The following ASAP2 variants were observed in gnomAD, a reference collection of about 807,000 sequenced individuals.
ASAP2 encodes arf-GAP with SH3 domain, ANK repeat and PH domain-containing protein 2.
ASAP2 carries 45 observed loss-of-function variants against 131.4 expected under a neutral mutation model. That is an observed-to-expected ratio of 0.34 (90% CI 0.27 to 0.44). The LOEUF (loss-of-function observed/expected upper bound fraction) is 0.44, where lower values mean the gene tolerates loss of function less well. ASAP2 is among the 20% of genes least tolerant of loss of function. ASAP2 has a pLI of 1.00. For synonymous variants in ASAP2, 510 were observed against 503.0 expected (o/e 1.01, Z -0.19); for missense variants, 1,011 against 1,297.0 (o/e 0.78, Z 3.39).
Position 9,387,077 on chromosome 2 carries a change from GT to G in ASAP2, c.2131-1216del, listed in dbSNP as rs200566092. ...AAAAATTAGCCGGGCTTGGTGGTGG[GT>G]GGGGGGGCGCCTGTAGTCCCAGCTA... is the stretch of plus-strand genomic sequence containing the variant. On this transcript the variant is annotated intron_variant, in intron 21 of 27. Coordinates refer to ENST00000281419, the MANE Select transcript of ASAP2 (RefSeq NM_003887.3). Among the ~76,000 whole-genome samples, 805 of 148,552 alleles carry G rather than the reference GT, an allele frequency of 5.4e-3. 26 individuals carry two copies. Among genetic ancestry groups the G allele is most frequent in the African/African-American group, 6.2e-3 (245 of 39,712 alleles).
intron 3 of ASAP2, among the ~76,000 whole-genome samples, chr2:9,314,856 G>A (rs1471300611): frequency 1.3e-5 from 2 of 149,448 alleles, no homozygotes; most frequent in African/African-American, 4.9e-5. Context: ...ACTTGAACCT[G>A]GAAAGCAGAG....
At chr2:9,269,785 C>T (rs980789452) in intron 1 of ASAP2, among the ~76,000 whole-genome samples, 1 of 152,234 alleles carries the variant, frequency 6.6e-6, no homozygotes, top group African/African-American at 2.4e-5. Flanking sequence ...AGAAACATTC[C>T]TCTGTGGCTA....
intron 1 of ASAP2, among the ~76,000 whole-genome samples, chr2:9,241,549 C>G (rs1052031664): frequency 6.6e-6 from 1 of 152,192 alleles, no homozygotes; most frequent in East Asian, 1.9e-4. Context: ...CGAGACCAGC[C>G]TGGGAAACAT....
intron 24 of ASAP2, among the ~76,000 whole-genome samples, chr2:9,395,878 A>T (rs1037551419): frequency 3.3e-5 from 5 of 151,780 alleles, no homozygotes; most frequent in Non-Finnish European, 7.4e-5. Context: ...AAGTGCTGGG[A>T]TTACAGGCTT....
intron 2 of ASAP2, among the ~76,000 whole-genome samples, chr2:9,283,028 C>G (rs990887179): frequency 1.3e-5 from 2 of 152,226 alleles, no homozygotes; most frequent in African/African-American, 4.8e-5. Flanking sequence ...CCTTAGCTCT[C>G]TTTGACTTCA....
chr2:9,311,047 G>GT lies in ASAP2; in HGVS notation c.346-7477_346-7476insT. Among the ~76,000 whole-genome samples, 1 of 151,920 alleles carries GT rather than the reference G, an allele frequency of 6.6e-6. No individual in the cohort carries two copies. Among genetic ancestry groups the GT allele is most frequent in the East Asian group, 1.9e-4 (1 of 5,194 alleles). ...AGACATATCCAAGTGAACTCGGGGG[G>GT]AAAAGCTAAGACAGGAAGTAGGGGT... On this transcript the variant is annotated intron_variant, in intron 3 of 27. Coordinates refer to ENST00000281419, the MANE Select transcript of ASAP2 (RefSeq NM_003887.3). The surrounding 1 kb of genome is among the most constrained non-coding windows in gnomAD (Gnocchi z 5.2).
chr2:9,395,104 G>A (rs1258340746), intron 24 of ASAP2, among the ~76,000 whole-genome samples: 1 of 152,188 alleles, frequency 6.6e-6, no homozygotes, highest in Non-Finnish European at 1.5e-5. Flanking sequence ...TCACTGCTCA[G>A]TTACAAGCTC....
chr2:9,208,849 G>A (rs1661334500), intron 1 of ASAP2, among the ~76,000 whole-genome samples: 1 of 152,210 alleles, frequency 6.6e-6, no homozygotes, highest in Admixed American at 6.5e-5. Flanking sequence ...CTTAAGGGAA[G>A]GAAGCATTGT....
intron 1 of ASAP2, among the ~76,000 whole-genome samples, chr2:9,223,662 C>T (rs1662579795): frequency 6.6e-6 from 1 of 152,192 alleles, no homozygotes; most frequent in African/African-American, 2.4e-5. Context: ...AGAAAGTAAG[C>T]TACTATAAAT....
At chr2:9,256,162 C>CA (rs71389235) in intron 1 of ASAP2, among the ~76,000 whole-genome samples, 33,292 of 86,626 alleles carry the variant, frequency 0.38, 4,948 homozygotes, top group African/African-American at 0.51. Flanking sequence ...GGGTCCCCTG[C>CA]AAAAAAAAAA....
chr2:9,212,289 C>T (rs2147935989), intron 1 of ASAP2, among the ~76,000 whole-genome samples: 1 of 152,284 alleles, frequency 6.6e-6, no homozygotes, highest in South Asian at 2.1e-4. Context: ...CTGAGGACCA[C>T]ATCTGTAGGA....
intron 16 of ASAP2, 43 bp from the exon 17 acceptor site, chr2:9,374,712 A>C (rs1674253477): frequency 1.3e-6 from 2 of 1,540,716 alleles, no homozygotes; most frequent in East Asian, 4.6e-5. Context: ...GACGGCGGGT[A>C]GAAGCCCTTC....
At chr2:9,334,351 C>G (rs1201109809) in intron 7 of ASAP2, among the ~76,000 whole-genome samples, 1 of 151,846 alleles carries the variant, frequency 6.6e-6, no homozygotes, top group South Asian at 2.1e-4. Flanking sequence ...CCACAGCACC[C>G]GGCCTCTGCA....
At chr2:9,233,282 G>A (rs758302402) in intron 1 of ASAP2, among the ~76,000 whole-genome samples, 5 of 152,210 alleles carry the variant, frequency 3.3e-5, no homozygotes, top group South Asian at 2.1e-4. Flanking sequence ...TTGCGAAGCC[G>A]TACTATGTTG....
chr2:9,207,347 G>GGCCAACCCT lies in ASAP2; in HGVS notation c.126+121_126+129dup. ...TTTGCTCCGAAGCCGGACGCGGCCG[G>GGCCAACCCT]GCCAACCCTGCCCGAGACAGAAGCC... On this transcript the variant is annotated intron_variant, in intron 1 of 27. Coordinates refer to ENST00000281419, the MANE Select transcript of ASAP2 (RefSeq NM_003887.3). The surrounding 1 kb of genome is among the most constrained non-coding windows in gnomAD (Gnocchi z 4.1). 1 of 1,352,024 alleles carries GGCCAACCCT rather than the reference G, an allele frequency of 7.4e-7. No individual in the cohort carries two copies. The highest frequency in any genetic ancestry group is 1.5e-5 in the South Asian group (1 of 66,804). The allele number at this position is 1,352,024 out of a possible 1,614,324, so 83.8% of individuals were successfully genotyped here.
intron 1 of ASAP2, among the ~76,000 whole-genome samples, chr2:9,278,028 G>A (rs1666865044): frequency 6.6e-6 from 1 of 152,234 alleles, no homozygotes; most frequent in South Asian, 2.1e-4. Flanking sequence ...CTGTGTTTCT[G>A]ATGATAGGTT....
intron 1 of ASAP2, among the ~76,000 whole-genome samples, chr2:9,261,328 C>T (rs950002412): frequency 4.6e-5 from 7 of 152,174 alleles, no homozygotes; most frequent in Non-Finnish European, 7.4e-5. Context: ...CTGGAGCTCT[C>T]CCAGCATTTC....
At chr2:9,305,407 G>A (rs1329331587) in intron 3 of ASAP2, among the ~76,000 whole-genome samples, 2 of 146,584 alleles carry the variant, frequency 1.4e-5, no homozygotes, top group South Asian at 2.2e-4. Context: ...TGTAATAGTG[G>A]GGTATAGATA....
chr2:9,341,802 T>C (rs747492776), intron 9 of ASAP2, among the ~76,000 whole-genome samples: 5 of 152,126 alleles, frequency 3.3e-5, no homozygotes, highest in Non-Finnish European at 5.9e-5. Context: ...TCTGAGAAAA[T>C]GTGGAAGCTG....
Sources: allele counts gnomAD v4.1 joint callset (sites outside exome capture counted in the v4.1 genomes callset), GRCh38; gene constraint gnomAD v4.1.1; non-coding constraint Gnocchi (gnomAD v3.1); transcripts MANE v1.5; gene names NCBI Gene and HGNC (gene_info 2026-07-23, HGNC 2026-07-21).